The following AHDC1 variants were observed in gnomAD, a reference collection of about 807,000 sequenced individuals.
AHDC1 encodes the protein transcription factor Gibbin.
In AHDC1, 7 loss-of-function variants were observed where a neutral mutation model predicts 87.9. That is an observed-to-expected ratio of 0.08 (90% CI 0.05 to 0.15). AHDC1 has a LOEUF of 0.15. Among genes scored for constraint, AHDC1 ranks in the 10% least tolerant of loss-of-function variants. The pLI is 1.00. For synonymous variants in AHDC1, 1,051 were observed against 1,006.8 expected, an observed-to-expected ratio of 1.04 and a Z score of -0.83; for missense variants, 1,841 against 2,253.2, an observed-to-expected ratio of 0.82 and a Z score of 3.70.
Position 27,540,694 on chromosome 1 carries a change from G to A in AHDC1, c.*44-5778C>T, listed in dbSNP as rs149317864. On this transcript the variant is annotated intron_variant, in intron 8 of 8. Coordinates refer to ENST00000673934, the MANE Select transcript of AHDC1 (RefSeq NM_001371928.1). The stretch of plus-strand genomic sequence containing the variant: ...AGGCCAGGAACAGCAAAAGCACGGG[G>A]CACCTTTGGGAGCCAGCCCTCCCAG... 8.1e-3 allele frequency among the ~76,000 whole-genome samples: 1,231 copies of A among 152,198 alleles called. 7 individuals carry two copies. The highest frequency in any genetic ancestry group is 0.037 in the Middle Eastern group (11 of 294).
In AHDC1 at chr1:27,560,227, TCTAG is replaced by T. The variant is rs2020011923; in HGVS notation, c.-628-1348_-628-1345del. The stretch of plus-strand genomic sequence containing the variant: ...GTGTGTGTGTGTGTGTGTGTGTGAG[TCTAG>T]CTAAGCCTGTTTGTGTGTGAGGACA... On this transcript the variant is annotated intron_variant, in intron 3 of 8. Coordinates refer to ENST00000673934, the MANE Select transcript of AHDC1 (RefSeq NM_001371928.1). The surrounding 1 kb of genome is among the most constrained non-coding windows in gnomAD (Gnocchi z 4.1). Among the ~76,000 whole-genome samples the T allele has an allele frequency of 6.8e-6, 1 of 146,950 alleles. No homozygotes were observed. The highest frequency in any genetic ancestry group is 2.2e-4 in the South Asian group (1 of 4,588).
chr1:27,540,534 G>T (rs2018857090), intron 8 of AHDC1, among the ~76,000 whole-genome samples: 1 of 152,098 alleles, frequency 6.6e-6, no homozygotes, highest in Non-Finnish European at 1.5e-5. Context: ...TTCCCAGGAA[G>T]GGCTGTCACG....
chr1:27,573,029 G>A (rs1488801363), intron 3 of AHDC1, among the ~76,000 whole-genome samples: 2 of 152,226 alleles, frequency 1.3e-5, no homozygotes, highest in African/African-American at 4.8e-5. Flanking sequence ...TAGGGAAGCA[G>A]CGGTGCCACT....
At chr1:27,566,536 GAC>G (rs1392964789) in intron 3 of AHDC1, among the ~76,000 whole-genome samples, 1 of 151,814 alleles carries the variant, frequency 6.6e-6, no homozygotes, top group African/African-American at 2.4e-5. Flanking sequence ...GCTGGAGACA[GAC>G]AGAGGGACTG....
chr1:27,593,727 TC>T lies in AHDC1; in HGVS notation c.-629+9669del, dbSNP rs1470919980. ...CTCCCTATCTCACCAATCCCTGCTATCCCCCCAGGGTGGGCAGACAGCTGGG... is the reference window on the plus strand; with the variant it reads ...CTCCCTATCTCACCAATCCCTGCTATCCCCCAGGGTGGGCAGACAGCTGGG... On this transcript the variant is annotated intron_variant, in intron 3 of 8. Transcript: ENST00000673934. This position sits in a 1 kb window ranked among gnomAD's most constrained non-coding sequence, Gnocchi z 4.9. Among the ~76,000 whole-genome samples, 1 of 152,100 alleles carries T rather than the reference TC, an allele frequency of 6.6e-6. No individual in the cohort carries two copies. The highest frequency in any genetic ancestry group is 1.5e-5 in the Non-Finnish European group (1 of 67,994).
At position 27,557,422 on chromosome 1, in the gene AHDC1, C is replaced by G. The variant is rs551076280; in HGVS notation, c.-225+883G>C. On this transcript the variant is annotated intron_variant, in intron 5 of 8. Transcript: ENST00000673934. ...CAGAGAGCTCCTTGTTCCACGCCCC[C>G]CCGCTCCCCGCCCAGGTCTGAAGAA... is the stretch of plus-strand genomic sequence containing the variant. Among the ~76,000 whole-genome samples the G allele has an allele frequency of 7.2e-5, 11 of 152,016 alleles. No individual in the cohort carries two copies. In the East Asian group the frequency reaches 7.7e-4, roughly 11 times the overall value.
chr1:27,575,809 AG>A (rs1234085040), intron 3 of AHDC1, among the ~76,000 whole-genome samples: 4 of 133,584 alleles, frequency 3.0e-5, no homozygotes, highest in Admixed American at 7.9e-5. Flanking sequence ...TTTGAGCGGG[AG>A]GGGAGCGGCC....
chr1:27,594,831 CAG>C (rs1182264545), intron 3 of AHDC1, among the ~76,000 whole-genome samples: 4 of 152,064 alleles, frequency 2.6e-5, no homozygotes, highest in Non-Finnish European at 5.9e-5. Flanking sequence ...GGGTATGTGA[CAG>C]GGTGCCGTGG....
At chr1:27,544,890 G>A (rs1428310726) in intron 8 of AHDC1, among the ~76,000 whole-genome samples, 1 of 152,180 alleles carries the variant, frequency 6.6e-6, no homozygotes, top group East Asian at 1.9e-4. Flanking sequence ...GGATCCCCAC[G>A]TGTCTGGGAA....
In AHDC1 at chr1:27,549,387, G is replaced by A; in HGVS notation, c.2729C>T (p.Ser910Phe). 6.2e-7 allele frequency: 1 copy of A among 1,613,030 alleles called. No individual in the cohort carries two copies. The highest frequency in any genetic ancestry group is 8.5e-7 in the Non-Finnish European group (1 of 1,179,848). ...GCGCGCGGACAGGACAGGCTGAAAG[G>A]AGGGGTCCGCCCCAGCCCCGCTGCT... ...VGSSGAGADPSFQPVLSARQT... is the reference protein window; with the variant it reads ...VGSSGAGADPFFQPVLSARQT... Residue 910 changes from serine to phenylalanine, a missense_variant, in exon 8 of 9, where the codon TCC becomes TTC. Ser to Phe is a radical substitution (Grantham distance 155). Around this residue, in one of 13 missense-constraint regions of AHDC1, gnomAD observed 378 missense variants for 399.0 expected, o/e 0.95. Coordinates refer to ENST00000673934, the MANE Select transcript of AHDC1 (RefSeq NM_001371928.1).
chr1:27,585,797 G>A (rs957131690), intron 3 of AHDC1, among the ~76,000 whole-genome samples: 7 of 151,978 alleles, frequency 4.6e-5, no homozygotes, highest in African/African-American at 1.7e-4. Context: ...TCCTCCAACT[G>A]TTAACTCTTT....
chr1:27,603,709 A>ACC lies in AHDC1; in HGVS notation c.-727+17_-727+18dup, dbSNP rs1399010214. ...CCCAGCCCTGGACACCCCCGCCCCC[A>ACC]CCCCCCCCAATAGCAAACCTGGGAG... is the stretch of plus-strand genomic sequence containing the variant. On this transcript the variant is annotated intron_variant, in intron 2 of 8. Coordinates refer to ENST00000673934, the MANE Select transcript of AHDC1 (RefSeq NM_001371928.1). The ACC allele has an allele frequency of 4.3e-5, 1 of 23,036 alleles. No homozygotes were observed. The highest frequency in any genetic ancestry group is 1.5e-4 in the African/African-American group (1 of 6,850). The allele number at this position is 23,036 out of a possible 1,614,324, so 1.4% of individuals were successfully genotyped here. A position where few individuals can be genotyped will look rare whatever the true frequency, so the allele number is the denominator to read the frequency against.
chr1:27,589,793 A>G (rs1176733362), intron 3 of AHDC1, among the ~76,000 whole-genome samples: 3 of 152,186 alleles, frequency 2.0e-5, no homozygotes, highest in Non-Finnish European at 4.4e-5. Flanking sequence ...TCACGCTCCC[A>G]TAATGGGATC....
intron 3 of AHDC1, among the ~76,000 whole-genome samples, chr1:27,589,196 T>C (rs1364750321): frequency 6.6e-6 from 1 of 152,124 alleles, no homozygotes; most frequent in Non-Finnish European, 1.5e-5. Flanking sequence ...CAGATTACCA[T>C]GTCCCTAGGC....
rs2148274506 is a variant in AHDC1, at chr1:27,549,327, C to T, written c.2789G>A (p.Gly930Glu). The T allele has an allele frequency of 6.2e-7, 1 of 1,610,818 alleles. No individual in the cohort carries two copies. Among genetic ancestry groups the T allele is most frequent in the Non-Finnish European group, 8.5e-7 (1 of 1,177,978 alleles). Reference sequence around the variant, plus strand: ...GCAGTCTGAAGCGGCTGGAGTTAGCCCATAGCTTGCTGCTCGTCCTGGTGG... The same window carrying T: ...GCAGTCTGAAGCGGCTGGAGTTAGCTCATAGCTTGCTGCTCGTCCTGGTGG... ...TFPPGRAASY[G>E]LTPAASDCRA... The change falls in exon 8 of 9, where the codon GGG becomes GAG. Residue 930 changes from glycine to glutamate, a missense_variant. Coordinates refer to ENST00000673934, the MANE Select transcript of AHDC1 (RefSeq NM_001371928.1).
chr1:27,583,662 T>C (rs2088970235), intron 3 of AHDC1, among the ~76,000 whole-genome samples: 1 of 152,116 alleles, frequency 6.6e-6, no homozygotes, highest in African/African-American at 2.4e-5. Context: ...GTTTAAAGCT[T>C]TGTGACTAAT....
intron 5 of AHDC1, among the ~76,000 whole-genome samples, chr1:27,555,383 C>T (rs1338841081): frequency 1.3e-5 from 2 of 152,160 alleles, no homozygotes; most frequent in Non-Finnish European, 2.9e-5. Context: ...GGAAGGGGCC[C>T]TTTGGTTGCC....
chr1:27,592,108 G>A (rs1017740087), intron 3 of AHDC1, among the ~76,000 whole-genome samples: 1 of 152,148 alleles, frequency 6.6e-6, no homozygotes, highest in African/African-American at 2.4e-5. Context: ...TCTCATTAGT[G>A]AGCCTAGGCA....
intron 5 of AHDC1, among the ~76,000 whole-genome samples, chr1:27,556,055 G>A (rs553505860): frequency 3.0e-4 from 45 of 152,316 alleles, no homozygotes; most frequent in African/African-American, 1.1e-3. Context: ...CCTGTCTGCT[G>A]TTGGGTCAGT....
Sources: gnomAD v4.1 joint callset for allele counts (sites outside exome capture counted in the v4.1 genomes callset) on GRCh38, gnomAD v4.1.1 for gene constraint, gnomAD v4.1.1 regional missense constraint, Gnocchi (gnomAD v3.1) non-coding constraint, MANE v1.5 for transcripts, NCBI Gene and HGNC (gene_info 2026-07-23, HGNC 2026-07-21) for gene names.